The following CASS4 variants were observed in gnomAD, a reference collection of about 807,000 sequenced individuals.
CASS4 encodes the protein Cas scaffold protein family member 4.
A neutral mutation model predicts 54.2 loss-of-function variants in CASS4; 22 were observed. The ratio of observed to expected loss-of-function variants is 0.41; its 90% CI spans 0.29 to 0.58. The LOEUF (loss-of-function observed/expected upper bound fraction) is 0.58. Among genes scored for constraint, CASS4 ranks in the 20% least tolerant of loss-of-function variants. The probability of loss-of-function intolerance (pLI) is 0.36; values close to 1 mark genes in which losing one functional copy is unlikely to be tolerated. For missense variants in CASS4, 854 were observed against 986.7 expected (o/e 0.87, Z 1.80); for synonymous variants, 409 against 391.5 (o/e 1.04, Z -0.53).
intron 4 of CASS4, 51 bp from the exon 5 acceptor site, chr20:56,451,768 G>A (rs751275823): frequency 4.5e-5 from 63 of 1,386,792 alleles, no homozygotes; most frequent in Non-Finnish European, 5.9e-5. Context: ...ACGCACTCGC[G>A]CCCTCTTTGG....
In CASS4 at chr20:56,452,002, A is replaced by G. The variant is rs754293038; in HGVS notation, c.826A>G (p.Ser276Gly). The G allele has an allele frequency of 1.0e-4, 165 of 1,614,076 alleles. No individual in the cohort carries two copies. Among genetic ancestry groups the G allele is most frequent in the Non-Finnish European group, 1.2e-4 (143 of 1,180,042 alleles). The stretch of plus-strand genomic sequence containing the variant: ...AAGGCCCCACGCTCTCCCCAGTTCC[A>G]GCTCCACTTTCTACAATCCTCCAAG... ...ESRPHALPSS[S>G]STFYNPPSGR... The change falls in exon 5 of 6, where the codon AGC becomes GGC. Residue 276 changes from serine to glycine, a missense_variant. By Grantham distance (56) the Ser-to-Gly change is moderately conservative. Coordinates refer to ENST00000679887, the MANE Select transcript of CASS4 (RefSeq NM_020356.4).
In CASS4 at chr20:56,455,185, C is replaced by G. The variant is rs59424187; in HGVS notation, c.1953+2056C>G. On this transcript the variant is annotated intron_variant, in intron 5 of 5. Coordinates refer to ENST00000679887, the MANE Select transcript of CASS4 (RefSeq NM_020356.4). Reference sequence around the variant, plus strand: ...CGTTGTGCTTATTTTTATTGGTTTCCTTCTATTTGTGGTCAATGACAGTAG... The same window carrying G: ...CGTTGTGCTTATTTTTATTGGTTTCGTTCTATTTGTGGTCAATGACAGTAG... 6.4e-3 allele frequency among the ~76,000 whole-genome samples: 958 copies of G among 150,534 alleles called. 6 individuals are homozygous for G. Among genetic ancestry groups the G allele is most frequent in the Middle Eastern group, 0.021 (6 of 290 alleles).
rs1427707842 is a variant in CASS4, at chr20:56,445,996, C to T, written c.556C>T (p.Leu186=). The T allele has an allele frequency of 6.2e-7, 1 of 1,612,110 alleles. No homozygotes were observed. Among genetic ancestry groups the T allele is most frequent in the Non-Finnish European group, 8.5e-7 (1 of 1,179,180 alleles). The change falls in exon 3 of 6, where the codon CTG becomes TTG. Residue 186 remains leucine, a synonymous_variant. Transcript: ENST00000679887. ...VPTQHRGPVV[L]KEPEKQQLYD... ...TACCCAGCACCGGGGCCCCGTGGTC[C>T]TGAAGGTGAGCCTTGTTCAGGGGCC...
Position 56,430,530 on chromosome 20 carries a change from G to T in CASS4, c.37-6634G>T, listed in dbSNP as rs979236132. 6.6e-6 allele frequency among the ~76,000 whole-genome samples: 1 copy of T among 152,150 alleles called. No individual in the cohort carries two copies. The highest frequency in any genetic ancestry group is 2.4e-5 in the African/African-American group (1 of 41,418). On this transcript the variant is annotated intron_variant, in intron 1 of 5. Transcript: ENST00000679887. The surrounding 1 kb of genome is among the most constrained non-coding windows in gnomAD (Gnocchi z 4.2). ...TCTATTTAAGAATACCTTGTGAGTG[G>T]CCTCAGCAACCATTGCAATGGTTAC...
intron 1 of CASS4, among the ~76,000 whole-genome samples, chr20:56,413,243 A>G (rs1407685077): frequency 6.6e-6 from 1 of 152,124 alleles, no homozygotes; most frequent in Non-Finnish European, 1.5e-5. Flanking sequence ...ACATAAAGAA[A>G]GTGAAGCTCA....
Position 56,452,436 on chromosome 20 carries a change from C to T in CASS4, c.1260C>T (p.Asp420=), listed in dbSNP as rs1280950167. ...VSSCSTTSTD[D]SSSSSSEESA... ...CGTGCTCCACCACATCCACCGACGA[C>T]TCCTCCAGCTCTTCCTCGGAGGAGT... The change falls in exon 5 of 6, where the codon GAC becomes GAT. Residue 420 remains aspartate, a synonymous_variant. Coordinates refer to ENST00000679887, the MANE Select transcript of CASS4 (RefSeq NM_020356.4). 14 of 1,613,956 alleles carry T rather than the reference C, an allele frequency of 8.7e-6. No individual in the cohort carries two copies. The highest frequency in any genetic ancestry group is 2.7e-5 in the African/African-American group (2 of 74,922).
intron 4 of CASS4, 78 bp downstream of exon 4, chr20:56,450,757 G>T: frequency 7.3e-7 from 1 of 1,370,266 alleles, no homozygotes; most frequent in South Asian, 1.2e-5. Context: ...CTTGGGGCCA[G>T]GCACGGTGGC....
At chr20:56,418,642 G>A (rs943767378) in intron 1 of CASS4, among the ~76,000 whole-genome samples, 2 of 152,200 alleles carry the variant, frequency 1.3e-5, no homozygotes, top group African/African-American at 2.4e-5. Flanking sequence ...AAGGAGAATC[G>A]TGTACTCTGT....
In CASS4 at chr20:56,459,068, T is replaced by G; in HGVS notation, c.*321T>G. 4.3e-6 allele frequency: 1 copy of G among 232,266 alleles called. No homozygotes were observed. Among genetic ancestry groups the G allele is most frequent in the South Asian group, 8.9e-5 (1 of 11,254 alleles). The allele number at this position is 232,266 out of a possible 1,614,324, so 14.4% of individuals were successfully genotyped here. ...ATGTGTGCATGTTTTGTTTGTTTTT[T>G]GAGACAAAGTCTCACTCTGTCACAC... On this transcript the variant is annotated 3_prime_UTR_variant, in exon 6 of 6. Transcript: ENST00000679887.
At chr20:56,432,899 G>GT (rs1021150123) in intron 1 of CASS4, among the ~76,000 whole-genome samples, 1 of 152,044 alleles carries the variant, frequency 6.6e-6, no homozygotes, top group African/African-American at 2.4e-5. Context: ...TGTGGGCAGG[G>GT]GCGTCACAGA....
intron 1 of CASS4, among the ~76,000 whole-genome samples, chr20:56,428,926 GC>G (rs1268494000): frequency 1.4e-5 from 2 of 140,204 alleles, no homozygotes; most frequent in East Asian, 4.1e-4. Flanking sequence ...CCCCCGACCT[GC>G]CCCCCAGCCC....
chr20:56,432,740 T>G (rs1979970104), intron 1 of CASS4, among the ~76,000 whole-genome samples: 1 of 152,216 alleles, frequency 6.6e-6, no homozygotes, highest in Admixed American at 6.5e-5. Flanking sequence ...TCATCACTGC[T>G]GGATTCTCCA....
chr20:56,415,591 A>C (rs1364868200), intron 1 of CASS4, among the ~76,000 whole-genome samples: 1 of 152,230 alleles, frequency 6.6e-6, no homozygotes, highest in African/African-American at 2.4e-5. Flanking sequence ...TAATGCCTAC[A>C]TTGTTGCTCA....
chr20:56,414,845 G>T lies in CASS4; in HGVS notation c.36+2351G>T. Among the ~76,000 whole-genome samples the T allele has an allele frequency of 6.6e-6, 1 of 152,054 alleles. No homozygotes were observed. The highest frequency in any genetic ancestry group is 2.1e-4 in the South Asian group (1 of 4,822). On this transcript the variant is annotated intron_variant, in intron 1 of 5. Coordinates refer to ENST00000679887, the MANE Select transcript of CASS4 (RefSeq NM_020356.4). The surrounding 1 kb of genome is among the most constrained non-coding windows in gnomAD (Gnocchi z 4.1). The stretch of plus-strand genomic sequence containing the variant: ...GTCTGTATTCCCAGCTACTCGGGAG[G>T]CTGAGGCAGGAGAATTGCTTTATAT...
intron 2 of CASS4, among the ~76,000 whole-genome samples, chr20:56,445,434 A>G (rs1035086861): frequency 4.6e-5 from 7 of 152,278 alleles, no homozygotes; most frequent in African/African-American, 1.7e-4. Flanking sequence ...ACATTCTTAA[A>G]GTCCCCTCTG....
chr20:56,440,988 A>AT (rs751312557), intron 2 of CASS4, among the ~76,000 whole-genome samples: 359 of 134,908 alleles, frequency 2.7e-3, no homozygotes, highest in Non-Finnish European at 3.1e-3. Flanking sequence ...AAAAAAAAAA[A>AT]TTTTTTTTTT....
intron 1 of CASS4, among the ~76,000 whole-genome samples, chr20:56,423,404 A>G (rs1168520284): frequency 6.6e-6 from 1 of 152,222 alleles, no homozygotes; most frequent in Admixed American, 6.5e-5. Context: ...GATGGTTTCC[A>G]AATGACTGTC....
At chr20:56,449,234 A>G (rs1033632954) in intron 3 of CASS4, among the ~76,000 whole-genome samples, 2 of 152,242 alleles carry the variant, frequency 1.3e-5, no homozygotes, top group African/African-American at 4.8e-5. Context: ...GATAGACTGG[A>G]TTAAGAAAAT....
intron 1 of CASS4, among the ~76,000 whole-genome samples, chr20:56,436,190 A>T (rs986391736): frequency 6.6e-6 from 1 of 152,088 alleles, no homozygotes; most frequent in Non-Finnish European, 1.5e-5. Flanking sequence ...CAGAAGGAAA[A>T]TAGCAAAAAC....
Sources: allele counts gnomAD v4.1 joint callset (sites outside exome capture counted in the v4.1 genomes callset), GRCh38; gene constraint gnomAD v4.1.1; non-coding constraint Gnocchi (gnomAD v3.1); transcripts MANE v1.5; gene names NCBI Gene and HGNC (gene_info 2026-07-23, HGNC 2026-07-21).